The following RECK variants were observed in gnomAD, a reference collection of about 807,000 sequenced individuals.
The protein encoded by RECK is reversion-inducing cysteine-rich protein with Kazal motifs.
RECK carries 69 observed loss-of-function variants against 115.1 expected under a neutral mutation model. That is an observed-to-expected ratio of 0.60 (90% CI 0.49 to 0.73). RECK has a LOEUF of 0.73. Ranked by LOEUF, RECK falls within the 30% of genes least tolerant of loss-of-function variation. The probability of loss-of-function intolerance (pLI) is 0.00; values close to 1 mark genes in which losing one functional copy is unlikely to be tolerated. For synonymous variants in RECK, 414 were observed against 419.7 expected (o/e 0.99, Z 0.17); for missense variants, 1,047 against 1,203.7 (o/e 0.87, Z 1.93).
In RECK at chr9:36,101,232, T is replaced by C. The variant is rs149802504; in HGVS notation, c.1298+689T>C. ...TCCCTAAGTGCTGGGATTACAGGCC[T>C]GAGCCACTGCGCCCAGCCGACTTTG... On this transcript the variant is annotated intron_variant, in intron 11 of 20. Transcript: ENST00000377966. Among the ~76,000 whole-genome samples the C allele has an allele frequency of 5.4e-3, 821 of 152,340 alleles. 7 individuals carry two copies. Among genetic ancestry groups the C allele is most frequent in the African/African-American group, 0.019 (785 of 41,568 alleles).
At chr9:36,111,646 A>G (rs911783719) in intron 15 of RECK, among the ~76,000 whole-genome samples, 1 of 152,098 alleles carries the variant, frequency 6.6e-6, no homozygotes, top group Non-Finnish European at 1.5e-5. Context: ...CGCCCACCTC[A>G]GCCTCTCAAA....
intron 10 of RECK, among the ~76,000 whole-genome samples, chr9:36,096,715 T>G (rs1465307112): frequency 2.0e-5 from 3 of 152,032 alleles, no homozygotes; most frequent in East Asian, 1.9e-4. Flanking sequence ...AACTAAAAAT[T>G]TAAAGCTAAT....
chr9:36,103,172 GT>G (rs923158036), intron 12 of RECK, among the ~76,000 whole-genome samples: 1 of 152,174 alleles, frequency 6.6e-6, no homozygotes, highest in Non-Finnish European at 1.5e-5. Flanking sequence ...ACACCCAGTA[GT>G]TAAGGGAAGT....
intron 1 of RECK, among the ~76,000 whole-genome samples, chr9:36,038,287 C>T (rs557022435): frequency 6.6e-6 from 1 of 151,972 alleles, no homozygotes; most frequent in South Asian, 2.1e-4. Flanking sequence ...AAGTGAGACC[C>T]TGTCTCAAAA....
At chr9:36,053,989 A>G (rs922357979) in intron 2 of RECK, among the ~76,000 whole-genome samples, 1 of 152,134 alleles carries the variant, frequency 6.6e-6, no homozygotes, top group Non-Finnish European at 1.5e-5. Context: ...CTCCCAGAGG[A>G]GGAGAGGTAA....
At position 36,065,558 on chromosome 9, in the gene RECK, G is replaced by A. The variant is rs1308304805; in HGVS notation, c.358-19G>A. ...ATAGCATGTATAATAAATTAATGGA[G>A]AAATTTGTTGGTTTTTAGGCATCTT... On this transcript the variant is annotated intron_variant, in intron 5 of 20. Coordinates refer to ENST00000377966, the MANE Select transcript of RECK (RefSeq NM_021111.3). The A allele has an allele frequency of 5.1e-6, 8 of 1,572,700 alleles. No individual in the cohort carries two copies. The East Asian group carries it at 7.0e-5, about 14-fold the overall frequency.
At chr9:36,054,030 A>G (rs958724239) in intron 2 of RECK, among the ~76,000 whole-genome samples, 4 of 152,174 alleles carry the variant, frequency 2.6e-5, no homozygotes, top group South Asian at 2.1e-4. Flanking sequence ...ACTTTCCCCT[A>G]CTAAACTCAA....
At chr9:36,057,026 G>T (rs1243510732) in intron 2 of RECK, 5 of 984,814 alleles carry the variant, frequency 5.1e-6, no homozygotes, top group Non-Finnish European at 6.0e-6. Flanking sequence ...AATCATGAAG[G>T]TCTGTCTGAT....
At chr9:36,037,627 G>A (rs952182310) in intron 1 of RECK, among the ~76,000 whole-genome samples, 7 of 151,862 alleles carry the variant, frequency 4.6e-5, no homozygotes, top group Admixed American at 4.6e-4. Flanking sequence ...TCCCCCGGGG[G>A]CTGGCAGGCT....
intron 11 of RECK, among the ~76,000 whole-genome samples, chr9:36,101,778 A>G (rs1447792646): frequency 6.6e-6 from 1 of 152,256 alleles, no homozygotes; most frequent in Non-Finnish European, 1.5e-5. Context: ...AAGTGAGGAT[A>G]TATGATTTTT....
chr9:36,085,234 G>A (rs1266467537), intron 8 of RECK: 2 of 220,648 alleles, frequency 9.1e-6, no homozygotes, highest in South Asian at 8.8e-5. Context: ...TCATAACAAT[G>A]AGAAGAGAGC....
At chr9:36,089,488 G>A (rs1232862099) in intron 9 of RECK, among the ~76,000 whole-genome samples, 1 of 152,136 alleles carries the variant, frequency 6.6e-6, no homozygotes, top group Non-Finnish European at 1.5e-5. Context: ...GGCAAATACA[G>A]ATTGACCACC....
At chr9:36,045,072 G>A (rs887765965) in intron 1 of RECK, among the ~76,000 whole-genome samples, 3 of 152,002 alleles carry the variant, frequency 2.0e-5, no homozygotes, top group African/African-American at 4.8e-5. Flanking sequence ...CAAATGATTC[G>A]GGAAAAAAAC....
intron 9 of RECK, among the ~76,000 whole-genome samples, chr9:36,088,227 A>G (rs1017624814): frequency 3.9e-5 from 6 of 152,230 alleles, no homozygotes; most frequent in Admixed American, 2.0e-4. Context: ...AGATGATGCA[A>G]TAGATGAATT....
At chr9:36,088,741 G>A (rs368967099) in intron 9 of RECK, among the ~76,000 whole-genome samples, 3 of 152,204 alleles carry the variant, frequency 2.0e-5, no homozygotes, top group East Asian at 1.9e-4. Context: ...CATGAAGGTC[G>A]GGCGCGGTGG....
intron 4 of RECK, among the ~76,000 whole-genome samples, chr9:36,062,342 G>A (rs1050949677): frequency 6.6e-6 from 1 of 151,976 alleles, no homozygotes; most frequent in African/African-American, 2.4e-5. Flanking sequence ...TGTATTTTTA[G>A]TGGAGACGAG....
chr9:36,043,306 T>C (rs1370542772), intron 1 of RECK, among the ~76,000 whole-genome samples: 2 of 149,356 alleles, frequency 1.3e-5, no homozygotes, highest in South Asian at 2.1e-4. Flanking sequence ...CCTCCCAAAG[T>C]GCTGGGATTA....
chr9:36,073,282 A>G (rs1324862892), intron 6 of RECK, among the ~76,000 whole-genome samples: 3 of 148,972 alleles, frequency 2.0e-5, no homozygotes, highest in East Asian at 4.1e-4. Context: ...ACACACATCC[A>G]TCCCAAAACA....
intron 6 of RECK, among the ~76,000 whole-genome samples, chr9:36,071,146 G>C (rs939790717): frequency 3.9e-5 from 6 of 152,190 alleles, no homozygotes; most frequent in African/African-American, 1.2e-4. Context: ...AAGGAAAAAT[G>C]AGTTCATGTT....
Sources: allele counts gnomAD v4.1 joint callset (sites outside exome capture counted in the v4.1 genomes callset), GRCh38; gene constraint gnomAD v4.1.1; transcripts MANE v1.5; gene names NCBI Gene and HGNC (gene_info 2026-07-23, HGNC 2026-07-21).